LRWD1: variants seen among roughly 807,000 people sequenced by gnomAD.
LRWD1 encodes the protein leucine rich repeats and WD repeat domain containing 1.
A neutral mutation model predicts 75.6 loss-of-function variants in LRWD1; 76 were observed. That is an observed-to-expected ratio of 1.01 (90% CI 0.84 to 1.22). The LOEUF is 1.22. Among genes scored for constraint, LRWD1 ranks in the 50% most tolerant of loss-of-function variants. The pLI is 0.00. For synonymous variants in LRWD1, 487 were observed against 377.0 expected, an observed-to-expected ratio of 1.29 and a Z score of -3.38; for missense variants, 917 against 862.0, an observed-to-expected ratio of 1.06 and a Z score of -0.80.
intron 8 of LRWD1, 81 bp downstream of exon 8, chr7:102,468,735 G>C (rs1004058358): frequency 2.5e-5 from 38 of 1,523,774 alleles, no homozygotes; most frequent in Non-Finnish European, 3.1e-5. Flanking sequence ...ATGCAGGCTC[G>C]GCCCCCTGCC....
At chr7:102,468,427 C>G in intron 7 of LRWD1, 50 bp downstream of exon 7, 1 of 1,550,760 alleles carries the variant, frequency 6.4e-7, no homozygotes, top group Non-Finnish European at 8.7e-7. Context: ...ATAGGGCCGC[C>G]TGGATGGGTG....
At chr7:102,469,921 T>C (rs1359434522) in intron 11 of LRWD1, 39 bp downstream of exon 11, 5 of 1,466,424 alleles carry the variant, frequency 3.4e-6, no homozygotes, top group Non-Finnish European at 4.5e-6. Flanking sequence ...GCCAGGCCTC[T>C]GCAGAGGGTG....
Position 102,465,956 on chromosome 7 carries a change from C to T in LRWD1, c.220C>T (p.Leu74Phe), listed in dbSNP as rs1328486327. Residue 74 changes from leucine to phenylalanine, a missense_variant, in exon 2 of 15, where the codon CTC becomes TTC. Physicochemically the swap from Leu to Phe is conservative, Grantham distance 22. Transcript: ENST00000292616. ...CCTGGGCCTGTCCCACCTGCGTGTCCTCCGCTGCGCCAACAACCAGCTGGG... is the reference window on the plus strand; with the variant it reads ...CCTGGGCCTGTCCCACCTGCGTGTCTTCCGCTGCGCCAACAACCAGCTGGG... ...DNLGLSHLRV[L>F]RCANNQLGDV... 1 of 1,613,872 alleles carries T rather than the reference C, an allele frequency of 6.2e-7. No individual in the cohort carries two copies. Among genetic ancestry groups the T allele is most frequent in the Non-Finnish European group, 8.5e-7 (1 of 1,180,008 alleles).
intron 11 of LRWD1, 142 bp from the exon 12 acceptor site, chr7:102,472,076 A>C (rs1798209008): frequency 1.3e-6 from 1 of 765,906 alleles, no homozygotes; most frequent in African/African-American, 1.7e-5. Flanking sequence ...CCTGGGGCCA[A>C]GAATGTATCT....
At position 102,472,496 on chromosome 7, in the gene LRWD1, G is replaced by A. The variant is rs1798229837; in HGVS notation, c.1577G>A (p.Trp526Ter). 1.9e-6 allele frequency: 3 copies of A among 1,547,344 alleles called. No homozygotes were observed. Among genetic ancestry groups the A allele is most frequent in the Non-Finnish European group, 8.7e-7 (1 of 1,146,180 alleles). ...SGLGTICLWS[W>*]RQTWGGRGSQ... ...CTGGGCACCATCTGCCTGTGGAGCT[G>A]GAGGCAGACGTGGGGGGGCCGGGGC... The change falls in exon 13 of 15, where the codon TGG becomes TAG. Residue 526 changes from tryptophan to a stop codon, truncating the protein, a stop_gained. Coordinates refer to ENST00000292616, the MANE Select transcript of LRWD1 (RefSeq NM_152892.3). LOFTEE classifies it high-confidence loss of function.
chr7:102,467,171 G>GGTGTGTGTGTGTGTGTGTGTGT (rs1209487514), intron 3 of LRWD1, among the ~76,000 whole-genome samples, 168 bp from the exon 4 acceptor site: 1 of 99,116 alleles, frequency 1.0e-5, no homozygotes. Context: ...GTGTGTGTGG[G>GGTGTGTGTGTGTGTGTGTGTGT]GTGTGTGTGT....
In LRWD1 at chr7:102,469,876, AGAG is replaced by A. The variant is rs1798134845; in HGVS notation, c.1441_1442+1del. ...GACGTGCGGCTGGACCAGCCCCAAA[AGAG>A]GAGGTGAGGCTGGGCAGGGGGCGCC... On this transcript the variant is annotated inframe_deletion, in exon 11 of 15. Coordinates refer to ENST00000292616, the MANE Select transcript of LRWD1 (RefSeq NM_152892.3). 4 of 1,559,254 alleles carry A rather than the reference AGAG, an allele frequency of 2.6e-6. No homozygotes were observed. The highest frequency in any genetic ancestry group is 1.4e-5 in the African/African-American group (1 of 73,860).
At chr7:102,466,099 T>C (rs1419336640) in intron 2 of LRWD1, 48 bp downstream of exon 2, 1 of 1,612,470 alleles carries the variant, frequency 6.2e-7, no homozygotes, top group Non-Finnish European at 8.5e-7. Flanking sequence ...CAGGACTCTG[T>C]TGGGCTCAGG....
rs1170447605 is a variant in LRWD1, at chr7:102,472,691, G to A, written c.1691-1G>A. The A allele has an allele frequency of 6.2e-7, 1 of 1,613,492 alleles. No individual in the cohort carries two copies. On this transcript the variant is annotated splice_acceptor_variant, in intron 13 of 14. Transcript: ENST00000292616. LOFTEE classifies it high-confidence loss of function. Reference sequence around the variant, plus strand: ...CTCAGACTCCACCTCTGTCCCGGCAGATAAGGGGATTGTGCTCTGTGGGGA... The same window carrying A: ...CTCAGACTCCACCTCTGTCCCGGCAAATAAGGGGATTGTGCTCTGTGGGGA...
intron 9 of LRWD1, among the ~76,000 whole-genome samples, 171 bp downstream of exon 9, chr7:102,469,233 C>T (rs55911768): frequency 0.11 from 17,052 of 152,258 alleles, 1,208 homozygotes; most frequent in South Asian, 0.24. Context: ...TCAACCCTGG[C>T]TTTATCCACA....
rs773913536 is a variant in LRWD1 at position 102,469,822 on chromosome 7, CCGGCTGCGAGGG to C, written c.1390_1401del (p.Glu464_Cys467del). The C allele has an allele frequency of 2.1e-5, 34 of 1,606,526 alleles. No homozygotes were observed. The highest frequency in any genetic ancestry group is 2.7e-5 in the Non-Finnish European group (32 of 1,176,902). The stretch of plus-strand genomic sequence containing the variant: ...TCCTGCCCGGACGCCCGCCTGCTGG[CCGGCTGCGAGGG>C]CGGCTGCTGCTGCTGGGACGTGCGG... On this transcript the variant is annotated inframe_deletion, in exon 11 of 15. Coordinates refer to ENST00000292616, the MANE Select transcript of LRWD1 (RefSeq NM_152892.3).
chr7:102,468,197 G>A lies in LRWD1; in HGVS notation c.804+10G>A. The stretch of plus-strand genomic sequence containing the variant: ...CTCCGATGGCAGCCAGGTGAGCTGA[G>A]GTGGCAAGGAGCAGGTGGCAGATGA... On this transcript the variant is annotated intron_variant, in intron 6 of 14. Transcript: ENST00000292616. The A allele has an allele frequency of 6.2e-7, 1 of 1,605,486 alleles. No individual in the cohort carries two copies. Among genetic ancestry groups the A allele is most frequent in the Non-Finnish European group, 8.5e-7 (1 of 1,177,056 alleles).
In LRWD1 at chr7:102,473,052, T is replaced by C. The variant is rs778267934; in HGVS notation, c.*3T>C. 99 of 1,594,568 alleles carry C rather than the reference T, an allele frequency of 6.2e-5. No homozygotes were observed. The highest frequency in any genetic ancestry group is 8.3e-5 in the Non-Finnish European group (97 of 1,171,052). Reference sequence around the variant, plus strand: ...TAGCCATCTGGGGGAGGATGTAGCCTCACACCATCGCAAAGGACCAGGGAC... The same window carrying C: ...TAGCCATCTGGGGGAGGATGTAGCCCCACACCATCGCAAAGGACCAGGGAC... On this transcript the variant is annotated 3_prime_UTR_variant, in exon 15 of 15. Coordinates refer to ENST00000292616, the MANE Select transcript of LRWD1 (RefSeq NM_152892.3).
At chr7:102,468,523 C>G in intron 7 of LRWD1, 31 bp from the exon 8 acceptor site, 1 of 1,553,714 alleles carries the variant, frequency 6.4e-7, no homozygotes, top group Non-Finnish European at 8.7e-7. Flanking sequence ...AATGTCTCTG[C>G]TCATCCGACC....
At chr7:102,467,925 A>G (rs1443445157) in intron 5 of LRWD1, 102 bp downstream of exon 5, 1 of 1,496,838 alleles carries the variant, frequency 6.7e-7, no homozygotes, top group Admixed American at 2.2e-5. Flanking sequence ...GAAGCACCCC[A>G]GGTCCTGGCT....
chr7:102,466,235 C>T lies in LRWD1; in HGVS notation c.397C>T (p.Gln133Ter), dbSNP rs1275510009. Residue 133 changes from glutamine (Q) to a stop codon, truncating the protein, a stop_gained, in exon 3 of 15, where the codon CAG becomes TAG. Transcript: ENST00000292616. LOFTEE classifies it high-confidence loss of function. The part of the protein sequence containing the change: ...NGKDASSTYS[Q>*]VENLNRELTS... The stretch of plus-strand genomic sequence containing the variant: ...CAAGGATGCGTCCTCAACTTACTCT[C>T]AGGTGGAGAACCTGAATCGGGAGCT... 1.9e-6 allele frequency: 3 copies of T among 1,614,030 alleles called. No homozygotes were observed. Among genetic ancestry groups the T allele is most frequent in the Non-Finnish European group, 2.5e-6 (3 of 1,180,024 alleles).
rs76753661 is a variant in LRWD1, at chr7:102,471,997, C to T, written c.1443-221C>T. ...CGTCCTGGAAGAGCCACCCCTCGTG[C>T]CTCTGGGTCACTACTGTGACTCGGG... is the stretch of plus-strand genomic sequence containing the variant. On this transcript the variant is annotated intron_variant, in intron 11 of 14. Transcript: ENST00000292616. 816 of 541,810 alleles carry T rather than the reference C, an allele frequency of 1.5e-3. 9 individuals are homozygous for T. Among genetic ancestry groups the T allele is most frequent in the African/African-American group, 0.014 (748 of 52,536 alleles). The allele number at this position is 541,810 out of a possible 1,614,324, so 33.6% of individuals were successfully genotyped here. A position where few individuals can be genotyped will look rare whatever the true frequency, so the allele number is the denominator to read the frequency against.
chr7:102,467,171 G>GTGTGTGTGTATATGT (rs1554579596), intron 3 of LRWD1, among the ~76,000 whole-genome samples, 168 bp from the exon 4 acceptor site: 1 of 99,116 alleles, frequency 1.0e-5, no homozygotes, highest in African/African-American at 4.4e-5. Flanking sequence ...GTGTGTGTGG[G>GTGTGTGTGTATATGT]GTGTGTGTGT....
chr7:102,469,457 C>T (rs569222400), intron 9 of LRWD1, 117 bp from the exon 10 acceptor site: 4 of 1,196,040 alleles, frequency 3.3e-6, no homozygotes, highest in Admixed American at 3.9e-5. Context: ...CCTCGGCCCG[C>T]CCTCCCCGCC....
Sources: allele counts gnomAD v4.1 joint callset (sites outside exome capture counted in the v4.1 genomes callset), GRCh38; gene constraint gnomAD v4.1.1; transcripts MANE v1.5; gene names NCBI Gene and HGNC (gene_info 2026-07-23, HGNC 2026-07-21).